Variants in DCTN1 observed in about 807,000 individuals in gnomAD.
The protein encoded by DCTN1 is 150 kDa dynein-associated polypeptide.
In DCTN1, 61 loss-of-function variants were observed where a neutral mutation model predicts 161.2. The observed-to-expected ratio is 0.38, with a 90% confidence interval of 0.31 to 0.47. The LOEUF (loss-of-function observed/expected upper bound fraction) is 0.47. Ranked by LOEUF, DCTN1 falls within the 20% of genes least tolerant of loss-of-function variation. The pLI is 0.99. For synonymous variants in DCTN1, 653 were observed against 632.4 expected (o/e 1.03, Z -0.49); for missense variants, 1,404 against 1,623.7 (o/e 0.86, Z 2.33).
intron 22 of DCTN1, 31 bp downstream of exon 22, chr2:74,366,428 C>T: frequency 1.2e-6 from 2 of 1,614,186 alleles, no homozygotes; most frequent in Non-Finnish European, 1.7e-6. Flanking sequence ...CTAACTCTCC[C>T]CACACCTTCT....
upstream of DCTN1, among the ~76,000 whole-genome samples, chr2:74,381,120 A>G (rs777806448): frequency 2.6e-5 from 4 of 152,246 alleles, no homozygotes; most frequent in Non-Finnish European, 5.9e-5. Context: ...GAATTGTTTA[A>G]TTTAATGAGA....
rs1051351382 is a variant in DCTN1 at position 74,374,544 on chromosome 2, C to G, written c.415-204G>C. 2.2e-6 allele frequency: 3 copies of G among 1,384,848 alleles called. No individual in the cohort carries two copies. The African/African-American group carries it at 4.3e-5, about 20-fold the overall frequency. 85.8% of individuals were successfully genotyped at this position (1,384,848 alleles called of 1,614,324 possible). On this transcript the variant is annotated intron_variant, in intron 5 of 31. Transcript: ENST00000628224. ...CCTCCCGGTGCGGCAGCTTCCCAGC[C>G]TGCAAACGGCCGCCGCTCTGACACA...
intron 25 of DCTN1, 55 bp from the exon 26 acceptor site, chr2:74,365,296 C>T (rs932867075): frequency 1.2e-6 from 2 of 1,605,384 alleles, no homozygotes; most frequent in African/African-American, 1.3e-5. Flanking sequence ...CACTCCTTGA[C>T]TATTCAGTCC....
At position 74,369,221 on chromosome 2, in the gene DCTN1, G is replaced by A. The variant is rs763672309; in HGVS notation, c.1585-7C>T. 1 of 1,614,202 alleles carries A rather than the reference G, an allele frequency of 6.2e-7. No individual in the cohort carries two copies. Among genetic ancestry groups the A allele is most frequent in the Non-Finnish European group, 8.5e-7 (1 of 1,180,028 alleles). On this transcript the variant is annotated splice_polypyrimidine_tract_variant and splice_region_variant and intron_variant, in intron 14 of 31. Transcript: ENST00000628224. This position sits in a 1 kb window ranked among gnomAD's most constrained non-coding sequence, Gnocchi z 4.9. ...TCAGTTCCCGATTCACATCCTAGGA[G>A]GAGAGACAGTGAAGCACAGCTGGGT...
Position 74,361,407 on chromosome 2 carries a change from T to C in DCTN1, c.*92A>G, listed in dbSNP as rs764449369. On this transcript the variant is annotated 3_prime_UTR_variant, in exon 32 of 32. Transcript: ENST00000628224. ...GGGGCAGGAAGAGCTTAACCCACGT[T>C]TCTACCTGGGGGCTGGCTGAGGTGG... is the stretch of plus-strand genomic sequence containing the variant. 6.3e-7 allele frequency: 1 copy of C among 1,583,578 alleles called. No individual in the cohort carries two copies. Among genetic ancestry groups the C allele is most frequent in the South Asian group, 1.1e-5 (1 of 89,274 alleles).
In DCTN1 at chr2:74,369,102, G is replaced by C. The variant is rs1408015982; in HGVS notation, c.1697C>G (p.Ala566Gly). The C allele has an allele frequency of 6.2e-7, 1 of 1,614,136 alleles. No homozygotes were observed. Residue 566 changes from alanine (A) to glycine (G), a missense_variant, in exon 15 of 32, where the codon GCC (alanine) becomes GGC (glycine). Physicochemically the swap from Ala to Gly is moderately conservative, Grantham distance 60. This residue lies in a region of DCTN1 where 278 missense variants were observed against 363.8 expected (regional missense o/e 0.76). Transcript: ENST00000628224. This position sits in a 1 kb window ranked among gnomAD's most constrained non-coding sequence, Gnocchi z 4.9. ...KIKFAETKAH[A>G]KAIEMELRQM... Reference sequence around the variant, plus strand: ...AGACCCACACACTTTCCTGACCTTGGCATGGGCCTTAGTCTCAGCAAACTT... The same window carrying C: ...AGACCCACACACTTTCCTGACCTTGCCATGGGCCTTAGTCTCAGCAAACTT...
rs1486092622 is a variant in DCTN1, at chr2:74,365,561, G to A, written c.2983C>T (p.Gln995Ter). 1 of 1,614,122 alleles carries A rather than the reference G, an allele frequency of 6.2e-7. No individual in the cohort carries two copies. ...GCCTGGGTCTCCTCCAGCCGAGTCT[G>A]GACTTTCTCGATGCGCTCATCTGCA... ...KDADERIEKV[Q>*]TRLEETQALL... is the part of the protein sequence containing the mutation. Residue 995 changes from glutamine to a stop codon, truncating the protein, a stop_gained, in exon 25 of 32, where the codon CAG becomes TAG. Transcript: ENST00000628224. LOFTEE classifies it high-confidence loss of function.
chr2:74,367,493 G>C, intron 18 of DCTN1, 73 bp from the exon 19 acceptor site: 1 of 1,569,258 alleles, frequency 6.4e-7, no homozygotes, highest in Non-Finnish European at 8.7e-7. Context: ...ACTGTAGTTT[G>C]AGCCCTGGTC....
intron 26 of DCTN1, 82 bp downstream of exon 26, chr2:74,364,993 G>T: frequency 6.4e-7 from 1 of 1,572,008 alleles, no homozygotes; most frequent in Non-Finnish European, 8.7e-7. Context: ...TAAGGGGGGT[G>T]GGGCAGAGGT....
upstream of DCTN1, among the ~76,000 whole-genome samples, chr2:74,382,664 T>C (rs915685061): frequency 1.3e-5 from 2 of 149,882 alleles, no homozygotes; most frequent in African/African-American, 2.5e-5. Context: ...TTACCTGACA[T>C]GATACTAAAT....
At chr2:74,373,290 C>T in intron 6 of DCTN1, 1 of 396,120 alleles carries the variant, frequency 2.5e-6, no homozygotes, top group Non-Finnish European at 4.8e-6. Context: ...TGAGACCAGT[C>T]CTCCTGCTAA....
In DCTN1 at chr2:74,369,955, C is replaced by T; in HGVS notation, c.1392+10G>A. On this transcript the variant is annotated intron_variant, in intron 13 of 31. Transcript: ENST00000628224. This position sits in a 1 kb window ranked among gnomAD's most constrained non-coding sequence, Gnocchi z 4.9. ...CCAAGTCAGATGTCAGGGGTCTGCT[C>T]TTCTCTTACCAAGTCTCCCACAGTC... The T allele has an allele frequency of 1.2e-6, 2 of 1,613,744 alleles. No homozygotes were observed. The highest frequency in any genetic ancestry group is 1.3e-5 in the African/African-American group (1 of 75,028).
chr2:74,391,679 C>T (rs1319940020), intron 1 of DCTN1: 1 of 398,412 alleles, frequency 2.5e-6, no homozygotes, highest in East Asian at 7.4e-5. Context: ...CAAGCGCCCA[C>T]CCCTGCCAGT....
At chr2:74,389,611 G>A (rs895474732) in intron 1 of DCTN1, among the ~76,000 whole-genome samples, 1 of 152,024 alleles carries the variant, frequency 6.6e-6, no homozygotes, top group African/African-American at 2.4e-5. Context: ...TTATCAATTC[G>A]TCCTTAGTAC....
chr2:74,381,649 T>C (rs1282641489), upstream of DCTN1, among the ~76,000 whole-genome samples: 1 of 152,190 alleles, frequency 6.6e-6, no homozygotes, highest in Non-Finnish European at 1.5e-5. Context: ...AGACATTTTA[T>C]AGAACCATGG....
At chr2:74,367,666 C>T (rs560498284) in intron 18 of DCTN1, 30 bp downstream of exon 18, 1 of 1,614,046 alleles carries the variant, frequency 6.2e-7, no homozygotes, top group Admixed American at 1.7e-5. Context: ...TCCCTGCCTC[C>T]TGCCCCAAGC....
At chr2:74,372,094 C>T (rs1169760925) in intron 7 of DCTN1, 3 of 312,714 alleles carry the variant, frequency 9.6e-6, no homozygotes, top group Admixed American at 4.8e-5. Flanking sequence ...ATCTATGACC[C>T]ACTTGTGATC....
chr2:74,364,884 A>T, intron 26 of DCTN1, 191 bp downstream of exon 26: 1 of 686,786 alleles, frequency 1.5e-6, no homozygotes, highest in Non-Finnish European at 2.5e-6. Context: ...TCCTTTGCCC[A>T]GAGAAACTCA....
At chr2:74,367,889 G>A (rs745759630) in intron 17 of DCTN1, 25 bp from the exon 18 acceptor site, 32 of 1,614,084 alleles carry the variant, frequency 2.0e-5, no homozygotes, top group Non-Finnish European at 2.0e-5. Context: ...AGGGCACTGT[G>A]AGGCTAGAGT....
Sources: allele counts gnomAD v4.1 joint callset (sites outside exome capture counted in the v4.1 genomes callset), GRCh38; gene constraint gnomAD v4.1.1; regional missense constraint gnomAD v4.1.1; non-coding constraint Gnocchi (gnomAD v3.1); transcripts MANE v1.5; gene names NCBI Gene and HGNC (gene_info 2026-07-23, HGNC 2026-07-21).